Variants in TSPAN9 observed in about 807,000 individuals in gnomAD.
TSPAN9 encodes tetraspanin-9.
In TSPAN9, 16 loss-of-function variants were observed where a neutral mutation model predicts 31.0. The ratio of observed to expected loss-of-function variants is 0.52; its 90% CI spans 0.35 to 0.78. The LOEUF (loss-of-function observed/expected upper bound fraction) is 0.78, where lower values mean the gene tolerates loss of function less well. Among genes scored for constraint, TSPAN9 ranks in the 30% least tolerant of loss-of-function variants. TSPAN9 has a pLI of 0.01. For missense variants in TSPAN9, 272 were observed against 312.5 expected, an observed-to-expected ratio of 0.87 and a Z score of 0.98; for synonymous variants, 145 against 121.6, an observed-to-expected ratio of 1.19 and a Z score of -1.27.
At chr12:3,105,431 TAA>T (rs35039490) in intron 2 of TSPAN9, among the ~76,000 whole-genome samples, 32 of 134,406 alleles carry the variant, frequency 2.4e-4, no homozygotes, top group Admixed American at 3.7e-4. Flanking sequence ...TTCCTTGTCT[TAA>T]AAAAAAAAAA....
chr12:3,105,786 ACACACTCACGCACACATGCG>A (rs2098314189), intron 2 of TSPAN9, among the ~76,000 whole-genome samples: 1 of 146,260 alleles, frequency 6.8e-6, no homozygotes, highest in African/African-American at 2.6e-5. Flanking sequence ...ACACGCTCAT[ACACACTCACGCACACATGCG>A]CACACACGCA....
At chr12:3,281,866 T>A (rs564247) in intron 8 of TSPAN9, 49 bp downstream of exon 8, 13 of 1,596,030 alleles carry the variant, frequency 8.1e-6, no homozygotes, top group South Asian at 1.1e-5. Flanking sequence ...GGCCTCAGCC[T>A]CAGAGGGAAG....
At chr12:3,216,696 T>C (rs2098381605) in intron 3 of TSPAN9, among the ~76,000 whole-genome samples, 1 of 152,046 alleles carries the variant, frequency 6.6e-6, no homozygotes, top group Non-Finnish European at 1.5e-5. Flanking sequence ...GGTCCGGAGG[T>C]GGTTCTGGCT....
At chr12:3,104,436 T>A (rs1010496801) in intron 2 of TSPAN9, among the ~76,000 whole-genome samples, 2 of 152,020 alleles carry the variant, frequency 1.3e-5, no homozygotes, top group Non-Finnish European at 2.9e-5. Context: ...CACTGAAGCC[T>A]CAACCTCCTG....
chr12:3,117,695 T>C (rs1281268027), intron 2 of TSPAN9, among the ~76,000 whole-genome samples: 3 of 152,188 alleles, frequency 2.0e-5, no homozygotes, highest in Non-Finnish European at 4.4e-5. Flanking sequence ...TACATAACTT[T>C]ATTTTTCTGT....
At chr12:3,230,029 TTC>T (rs2098389853) in intron 3 of TSPAN9, among the ~76,000 whole-genome samples, 1 of 151,786 alleles carries the variant, frequency 6.6e-6, no homozygotes, top group African/African-American at 2.4e-5. Flanking sequence ...GTAGATACTT[TTC>T]TTTTTCTTTG....
chr12:3,127,846 G>C (rs567267315), intron 2 of TSPAN9, among the ~76,000 whole-genome samples: 5 of 152,166 alleles, frequency 3.3e-5, no homozygotes, highest in Non-Finnish European at 7.4e-5. Flanking sequence ...GGTTAGACTC[G>C]AACTCCTGGG....
At chr12:3,126,482 A>G (rs1318580511) in intron 2 of TSPAN9, among the ~76,000 whole-genome samples, 1 of 152,222 alleles carries the variant, frequency 6.6e-6, no homozygotes, top group Admixed American at 6.5e-5. Context: ...AGTGATTTGG[A>G]TATGTGTACC....
At chr12:3,112,260 C>T (rs1338675334) in intron 2 of TSPAN9, among the ~76,000 whole-genome samples, 1 of 150,218 alleles carries the variant, frequency 6.7e-6, no homozygotes, top group Non-Finnish European at 1.5e-5. Context: ...TCACTGCAAC[C>T]TTGCCTCCTG....
chr12:3,151,839 C>G (rs1192105739), intron 2 of TSPAN9, among the ~76,000 whole-genome samples: 2 of 152,102 alleles, frequency 1.3e-5, no homozygotes, highest in East Asian at 3.9e-4. Context: ...AGGAGAGTCG[C>G]TTGAACCCGT....
At chr12:3,228,298 G>A (rs927260887) in intron 3 of TSPAN9, among the ~76,000 whole-genome samples, 1 of 152,318 alleles carries the variant, frequency 6.6e-6, no homozygotes, top group East Asian at 1.9e-4. Flanking sequence ...CCGGGAGATC[G>A]AGGCTGCAGT....
At position 3,105,800 on chromosome 12, in the gene TSPAN9, ACATGCG is replaced by A. The variant is rs2153964803; in HGVS notation, c.-18+22084_-18+22089del. Among the ~76,000 whole-genome samples, 3 of 141,086 alleles carry A rather than the reference ACATGCG, an allele frequency of 2.1e-5. No individual in the cohort carries two copies. The South Asian group carries it at 6.9e-4, about 33-fold the overall frequency. The allele number at this position is 141,086 out of a possible 152,430, so 92.6% of individuals were successfully genotyped here. The stretch of plus-strand genomic sequence containing the variant: ...CACACGCTCATACACACTCACGCAC[ACATGCG>A]CACACACGCACACGCGCACACACAC... On this transcript the variant is annotated intron_variant, in intron 2 of 8. Coordinates refer to ENST00000011898, the MANE Select transcript of TSPAN9 (RefSeq NM_006675.5).
rs912900131 is a variant in TSPAN9, at chr12:3,185,706, G to A, written c.-17-15471G>A. ...TGGCCGCTGGGCATGTGGGGAGCCC[G>A]CCTGAGGCCTGATGGGGCAGCCGCC... On this transcript the variant is annotated intron_variant, in intron 2 of 8. Transcript: ENST00000011898. Among the ~76,000 whole-genome samples, 3 of 152,218 alleles carry A rather than the reference G, an allele frequency of 2.0e-5. No homozygotes were observed. The East Asian group carries it at 5.8e-4, about 29-fold the overall frequency.
chr12:3,109,029 G>A (rs186028245), intron 2 of TSPAN9, among the ~76,000 whole-genome samples: 9 of 151,836 alleles, frequency 5.9e-5, no homozygotes, highest in East Asian at 3.9e-4. Context: ...TCCGCCTCTC[G>A]GGTTTACACC....
intron 3 of TSPAN9, among the ~76,000 whole-genome samples, chr12:3,226,960 A>G (rs1359771957): frequency 6.7e-6 from 1 of 149,690 alleles, no homozygotes; most frequent in African/African-American, 2.5e-5. Context: ...AGTATCCTTG[A>G]TGGTAGAGAG....
At chr12:3,214,856 G>C (rs546289421) in intron 3 of TSPAN9, among the ~76,000 whole-genome samples, 73 of 152,116 alleles carry the variant, frequency 4.8e-4, no homozygotes, top group African/African-American at 1.7e-3. Context: ...TCCAGCGATC[G>C]TCATTAGGAA....
At chr12:3,276,140 C>G (rs1180917786) in intron 3 of TSPAN9, among the ~76,000 whole-genome samples, 1 of 151,902 alleles carries the variant, frequency 6.6e-6, no homozygotes, top group Non-Finnish European at 1.5e-5. Flanking sequence ...GGGACAGACG[C>G]CTCCCTGAGG....
Position 3,141,643 on chromosome 12 carries a change from C to T in TSPAN9, c.-18+57924C>T, listed in dbSNP as rs536684147. Among the ~76,000 whole-genome samples the T allele has an allele frequency of 3.3e-5, 5 of 152,234 alleles. No homozygotes were observed. The South Asian group carries it at 6.2e-4, about 19-fold the overall frequency. ...TTTTGCCCTGACTCCTCGGTGTGCA[C>T]GTGTCTCTCCAAGTCCTAGATGGTG... On this transcript the variant is annotated intron_variant, in intron 2 of 8. Transcript: ENST00000011898.
chr12:3,077,624 G>C (rs546729104), intron 1 of TSPAN9, among the ~76,000 whole-genome samples, 171 bp downstream of exon 1: 2 of 149,406 alleles, frequency 1.3e-5, no homozygotes, highest in Non-Finnish European at 3.0e-5. Flanking sequence ...GGTGGGACGA[G>C]AGGACGAGGA....
Sources: gnomAD v4.1 joint callset for allele counts (sites outside exome capture counted in the v4.1 genomes callset) on GRCh38, gnomAD v4.1.1 for gene constraint, MANE v1.5 for transcripts, NCBI Gene and HGNC (gene_info 2026-07-23, HGNC 2026-07-21) for gene names.